The following RXFP2 variants were observed in gnomAD, a reference collection of about 807,000 sequenced individuals.
RXFP2 encodes the protein relaxin family peptide receptor 2.
Under a neutral mutation model 88.6 loss-of-function variants are expected in RXFP2, and 68 were observed. That is an observed-to-expected ratio of 0.77 (90% CI 0.63 to 0.94). The LOEUF (loss-of-function observed/expected upper bound fraction) is 0.94, where lower values mean the gene tolerates loss of function less well. RXFP2 is among the 40% of genes least tolerant of loss of function. RXFP2 has a pLI of 0.00. For missense variants in RXFP2, 791 were observed against 893.9 expected, an observed-to-expected ratio of 0.88 and a Z score of 1.47; for synonymous variants, 329 against 306.8, an observed-to-expected ratio of 1.07 and a Z score of -0.76.
In RXFP2 at chr13:31,792,962, G is replaced by A. The variant is rs755745145; in HGVS notation, c.1660G>A (p.Val554Ile). The change falls in exon 16 of 18, where the codon GTA becomes ATA. Residue 554 changes from valine (V) to isoleucine (I), a missense_variant. Physicochemically the swap from Val to Ile is conservative, Grantham distance 29. Coordinates refer to ENST00000298386, the MANE Select transcript of RXFP2 (RefSeq NM_130806.5). Reference sequence around the variant, plus strand: ...CTGGATGGCGGGATTTTTAATAGCTGTAATTCCATTTTGGAATAAGGATTA... The same window carrying A: ...CTGGATGGCGGGATTTTTAATAGCTATAATTCCATTTTGGAATAAGGATTA... The part of the protein sequence containing the change: ...CIWMAGFLIA[V>I]IPFWNKDYFG... 1.9e-6 allele frequency: 3 copies of A among 1,614,098 alleles called. No homozygotes were observed. Among genetic ancestry groups the A allele is most frequent in the Non-Finnish European group, 2.5e-6 (3 of 1,180,012 alleles).
chr13:31,752,974 G>C (rs1593447498), intron 1 of RXFP2, among the ~76,000 whole-genome samples: 1 of 152,174 alleles, frequency 6.6e-6, no homozygotes, highest in African/African-American at 2.4e-5. Flanking sequence ...AGGCTTGCCG[G>C]CAATTTCTAT....
chr13:31,740,808 G>A, intron 1 of RXFP2, among the ~76,000 whole-genome samples: 1 of 152,010 alleles, frequency 6.6e-6, no homozygotes. Context: ...AAAAGCTAAG[G>A]ATTAACTAAG....
chr13:31,746,351 A>G (rs949102308), intron 1 of RXFP2, among the ~76,000 whole-genome samples: 1 of 152,196 alleles, frequency 6.6e-6, no homozygotes, highest in African/African-American at 2.4e-5. Flanking sequence ...TTGACACATT[A>G]ATTCTACTTG....
At chr13:31,749,525 G>A (rs1451961042) in intron 1 of RXFP2, among the ~76,000 whole-genome samples, 1 of 152,106 alleles carries the variant, frequency 6.6e-6, no homozygotes, top group Non-Finnish European at 1.5e-5. Context: ...TTGATTTAGG[G>A]AAAGAATGAA....
intron 5 of RXFP2, among the ~76,000 whole-genome samples, chr13:31,767,291 C>T (rs943817427): frequency 2.6e-5 from 4 of 152,140 alleles, no homozygotes; most frequent in Non-Finnish European, 4.4e-5. Context: ...CTGTAAACCC[C>T]GGCTGCTCTC....
chr13:31,784,814 C>T (rs1873449438), intron 11 of RXFP2, among the ~76,000 whole-genome samples: 1 of 152,072 alleles, frequency 6.6e-6, no homozygotes, highest in Non-Finnish European at 1.5e-5. Flanking sequence ...ATTCCGTTTC[C>T]CTCCAACTTT....
At chr13:31,765,168 T>C (rs368522642) in intron 4 of RXFP2, 26 bp downstream of exon 4, 8 of 1,321,898 alleles carry the variant, frequency 6.1e-6, no homozygotes, top group African/African-American at 2.9e-5. Flanking sequence ...TTATTGGTGA[T>C]ATCTGTCCCT....
intron 5 of RXFP2, among the ~76,000 whole-genome samples, chr13:31,772,397 T>C (rs1490102410): frequency 2.0e-5 from 3 of 152,204 alleles, no homozygotes; most frequent in African/African-American, 7.2e-5. Flanking sequence ...GGTACATAAA[T>C]TCCTGGCATT....
intron 9 of RXFP2, among the ~76,000 whole-genome samples, chr13:31,780,854 GAC>G (rs1873233980): frequency 6.6e-6 from 1 of 152,198 alleles, no homozygotes; most frequent in South Asian, 2.1e-4. Flanking sequence ...AACTTGCTGA[GAC>G]ACAGATGGCT....
intron 8 of RXFP2, among the ~76,000 whole-genome samples, chr13:31,778,282 C>T (rs553098046): frequency 1.3e-5 from 2 of 152,160 alleles, no homozygotes; most frequent in Non-Finnish European, 2.9e-5. Flanking sequence ...TGTGTAACAT[C>T]TATTCCTAGG....
chr13:31,753,850 A>G (rs1173383325), intron 1 of RXFP2, among the ~76,000 whole-genome samples: 1 of 151,916 alleles, frequency 6.6e-6, no homozygotes, highest in Admixed American at 6.6e-5. Context: ...TCACATGTTC[A>G]CTTAAAAAGT....
intron 3 of RXFP2, 28 bp from the exon 4 acceptor site, chr13:31,765,009 T>C (rs1872483181): frequency 1.7e-6 from 2 of 1,198,182 alleles, no homozygotes; most frequent in Admixed American, 3.4e-5. Flanking sequence ...TGTTTACTAG[T>C]GAAATCTTAC....
rs539978016 is a variant in RXFP2 at position 31,741,489 on chromosome 13, G to C, written c.94+1783G>C. On this transcript the variant is annotated intron_variant, in intron 1 of 17. Transcript: ENST00000298386. ...AAATTGTGGACAATTAAAACGGTAAGGCTTTTCATAGTAACCAAAGAAAGC... is the reference window on the plus strand; with the variant it reads ...AAATTGTGGACAATTAAAACGGTAACGCTTTTCATAGTAACCAAAGAAAGC... Among the ~76,000 whole-genome samples the C allele has an allele frequency of 1.8e-4, 27 of 152,132 alleles. 1 individual carries two copies. The Middle Eastern group carries it at 0.017, about 96-fold the overall frequency.
chr13:31,746,763 A>ATATATTATATACAG (rs1231653259), intron 1 of RXFP2, among the ~76,000 whole-genome samples: 1 of 88,484 alleles, frequency 1.1e-5, no homozygotes, highest in African/African-American at 4.5e-5. Flanking sequence ...CACAGGCTAA[A>ATATATTATATACAG]AAATAATATA....
chr13:31,786,235 C>T (rs564901732), intron 11 of RXFP2, 148 bp from the exon 12 acceptor site: 30 of 709,086 alleles, frequency 4.2e-5, no homozygotes, highest in East Asian at 2.7e-4. Context: ...CTGACTCATA[C>T]GGCCCTGTTG....
At chr13:31,745,589 G>A (rs1021770305) in intron 1 of RXFP2, among the ~76,000 whole-genome samples, 6 of 152,176 alleles carry the variant, frequency 3.9e-5, no homozygotes, top group African/African-American at 1.4e-4. Flanking sequence ...ACCCAGTTGC[G>A]ATTGTTTCTG....
At chr13:31,795,225 C>T (rs375943762) in intron 16 of RXFP2, among the ~76,000 whole-genome samples, 1 of 151,882 alleles carries the variant, frequency 6.6e-6, no homozygotes, top group South Asian at 2.1e-4. Flanking sequence ...TCTCGGCTCC[C>T]TGCAACCTCC....
chr13:31,791,099 A>G (rs955948999), intron 14 of RXFP2, among the ~76,000 whole-genome samples: 4 of 152,236 alleles, frequency 2.6e-5, no homozygotes, highest in Admixed American at 2.0e-4. Flanking sequence ...GTTTTATGAG[A>G]GAAAATTCTA....
intron 2 of RXFP2, among the ~76,000 whole-genome samples, chr13:31,760,419 G>A (rs1295456658): frequency 2.0e-5 from 3 of 152,132 alleles, no homozygotes. Flanking sequence ...TTCCTAGACA[G>A]GAACTCCTTG....
Sources: gnomAD v4.1 joint callset for allele counts (sites outside exome capture counted in the v4.1 genomes callset) on GRCh38, gnomAD v4.1.1 for gene constraint, MANE v1.5 for transcripts, NCBI Gene and HGNC (gene_info 2026-07-23, HGNC 2026-07-21) for gene names.